METTL22: variants seen among roughly 807,000 people sequenced by gnomAD.
The protein encoded by METTL22 is methyltransferase-like protein 22.
In METTL22, 51 loss-of-function variants were observed where a neutral mutation model predicts 48.4. The observed-to-expected ratio is 1.05, with a 90% confidence interval of 0.84 to 1.33. The LOEUF (loss-of-function observed/expected upper bound fraction) is 1.33. METTL22 is among the 40% of genes most tolerant of loss of function. The probability of loss-of-function intolerance (pLI) is 0.00; values close to 1 mark genes in which losing one functional copy is unlikely to be tolerated. For missense variants in METTL22, 678 were observed against 526.9 expected, an observed-to-expected ratio of 1.29 and a Z score of -2.81; for synonymous variants, 255 against 214.1, an observed-to-expected ratio of 1.19 and a Z score of -1.67.
At chr16:8,650,753 T>A (rs940583005), downstream of METTL22, among the ~76,000 whole-genome samples, 1 of 152,168 alleles carries the variant, frequency 6.6e-6, no homozygotes, top group Non-Finnish European at 1.5e-5. Flanking sequence ...AAAAGCCAGA[T>A]GTGGCTCATG....
At chr16:8,637,110 T>G (rs554772910) in intron 5 of METTL22, among the ~76,000 whole-genome samples, 1 of 152,358 alleles carries the variant, frequency 6.6e-6, no homozygotes, top group South Asian at 2.1e-4. Context: ...TTTTAAATCT[T>G]TAGTATCTGC....
downstream of METTL22, among the ~76,000 whole-genome samples, chr16:8,651,436 T>TCATACTTG (rs957966498): frequency 1.3e-4 from 17 of 131,520 alleles, no homozygotes; most frequent in African/African-American, 4.1e-4. Flanking sequence ...ATGCCTAGAG[T>TCATACTTG]CATACTTGGC....
chr16:8,625,861 C>T (rs957637969), intron 2 of METTL22, 63 bp downstream of exon 2: 129 of 1,587,176 alleles, frequency 8.1e-5, no homozygotes, highest in Admixed American at 2.8e-4. Flanking sequence ...TCATACTCAT[C>T]TTTTTGGGGA....
intron 8 of METTL22, 66 bp from the exon 9 acceptor site, chr16:8,642,397 C>T (rs2056648509): frequency 6.6e-7 from 1 of 1,508,730 alleles, no homozygotes; most frequent in African/African-American, 1.4e-5. Context: ...GCGGATTGCT[C>T]TGAAAAGTCG....
At chr16:8,644,445 C>T (rs1051015478) in intron 9 of METTL22, 112 bp from the exon 10 acceptor site, 1 of 1,102,528 alleles carries the variant, frequency 9.1e-7, no homozygotes, top group Non-Finnish European at 1.3e-6. Context: ...TCAGTAAAAG[C>T]CCGTCCAGGG....
intron 6 of METTL22, chr16:8,639,645 C>G (rs1224323291): frequency 1.1e-5 from 2 of 188,622 alleles, no homozygotes; most frequent in African/African-American, 4.6e-5. Flanking sequence ...CTTTCCAGCC[C>G]TGCATCCAGC....
chr16:8,625,866 TG>T, intron 2 of METTL22, 68 bp downstream of exon 2: 1 of 1,585,084 alleles, frequency 6.3e-7, no homozygotes, highest in East Asian at 2.2e-5. Context: ...CTCATCTTTT[TG>T]GGGAAAATAT....
rs936351921 is a variant in METTL22 at position 8,642,960 on chromosome 16, A to G, written c.1010+395A>G. On this transcript the variant is annotated intron_variant, in intron 9 of 10. Coordinates refer to ENST00000381920, the MANE Select transcript of METTL22 (RefSeq NM_024109.4). ...TGCCGTCTGTCTCTTCAGCTCCCCC[A>G]GGTCTCTTTCTCTTGCTGAATCGGA... 5 of 214,414 alleles carry G rather than the reference A, an allele frequency of 2.3e-5. No homozygotes were observed. In the Admixed American group the frequency reaches 2.5e-4, roughly 11 times the overall value. The allele number at this position is 214,414 out of a possible 1,614,324, so 13.3% of individuals were successfully genotyped here. A position where few individuals can be genotyped will look rare whatever the true frequency, so the allele number is the denominator to read the frequency against.
the METTL22 span, among the ~76,000 whole-genome samples, chr16:8,661,343 C>A: frequency 1.3e-5 from 2 of 152,036 alleles, no homozygotes; most frequent in East Asian, 3.9e-4. Context: ...ATAAAACCCG[C>A]CTTTATTAAG....
At chr16:8,658,790 G>T in the METTL22 span, among the ~76,000 whole-genome samples, 3 of 152,132 alleles carry the variant, frequency 2.0e-5, no homozygotes, top group African/African-American at 7.2e-5. Context: ...ACTCTGGGAG[G>T]TCATTGCACA....
In METTL22 at chr16:8,629,028, A is replaced by C. The variant is rs1378534161; in HGVS notation, c.432A>C (p.Val144=). ...SNPAGPLRDK[V]HPMILAQEED... ...CAGCAGGGCCTCTGAGAGACAAGGTACATCCCATGATTCTAGCACAGGAAG... is the reference window on the plus strand; with the variant it reads ...CAGCAGGGCCTCTGAGAGACAAGGTCCATCCCATGATTCTAGCACAGGAAG... Residue 144 remains valine (V), a synonymous_variant, in exon 3 of 11, where the codon GTA becomes GTC. Transcript: ENST00000381920. 1 of 1,613,990 alleles carries C rather than the reference A, an allele frequency of 6.2e-7. No individual in the cohort carries two copies. The highest frequency in any genetic ancestry group is 8.5e-7 in the Non-Finnish European group (1 of 1,180,040).
At position 8,644,450 on chromosome 16, in the gene METTL22, C is replaced by G. The variant is rs187832358; in HGVS notation, c.1011-107C>G. 17 of 1,160,454 alleles carry G rather than the reference C, an allele frequency of 1.5e-5. No individual in the cohort carries two copies. The African/African-American group carries it at 2.2e-4, about 15-fold the overall frequency. 71.9% of individuals were successfully genotyped at this position (1,160,454 alleles called of 1,614,324 possible). A position where few individuals can be genotyped will look rare whatever the true frequency, so the allele number is the denominator to read the frequency against. ...AGACAGGCGCTCAGTAAAAGCCCGT[C>G]CAGGGGATATGAGATCAGTGAGGGA... On this transcript the variant is annotated intron_variant, in intron 9 of 10. Coordinates refer to ENST00000381920, the MANE Select transcript of METTL22 (RefSeq NM_024109.4).
At chr16:8,655,878 C>G in the METTL22 span, among the ~76,000 whole-genome samples, 1 of 152,184 alleles carries the variant, frequency 6.6e-6, no homozygotes, top group East Asian at 1.9e-4. Flanking sequence ...TTGGGGGATT[C>G]AGGAAGAGGA....
chr16:8,626,194 GC>G (rs1405704586), intron 2 of METTL22, among the ~76,000 whole-genome samples: 4 of 152,068 alleles, frequency 2.6e-5, no homozygotes. Context: ...AGTCTTGCTA[GC>G]CCAGGCTGGT....
At chr16:8,660,236 G>C in the METTL22 span, among the ~76,000 whole-genome samples, 1 of 152,144 alleles carries the variant, frequency 6.6e-6, no homozygotes, top group Admixed American at 6.5e-5. Context: ...GAGTGCAGTG[G>C]TGTGATCTCA....
chr16:8,665,167 A>G, the METTL22 span, among the ~76,000 whole-genome samples: 1 of 151,932 alleles, frequency 6.6e-6, no homozygotes, highest in Non-Finnish European at 1.5e-5. Context: ...ATAAACAGGC[A>G]TAGTGGTGCA....
chr16:8,638,873 T>C (rs2056504767), intron 5 of METTL22, among the ~76,000 whole-genome samples: 1 of 152,186 alleles, frequency 6.6e-6, no homozygotes, highest in African/African-American at 2.4e-5. Flanking sequence ...ATGCGCACTG[T>C]CTCTCCCCAT....
intron 9 of METTL22, 119 bp from the exon 10 acceptor site, chr16:8,644,438 G>A: frequency 9.6e-7 from 1 of 1,039,296 alleles, no homozygotes; most frequent in Non-Finnish European, 1.4e-6. Flanking sequence ...CAGGCGCTCA[G>A]TAAAAGCCCG....
chr16:8,658,877 C>T, the METTL22 span, among the ~76,000 whole-genome samples: 2 of 152,124 alleles, frequency 1.3e-5, no homozygotes, highest in Admixed American at 1.3e-4. Context: ...CCCATCTCAT[C>T]CACCATATTG....
Sources: allele counts gnomAD v4.1 joint callset (sites outside exome capture counted in the v4.1 genomes callset), GRCh38; gene constraint gnomAD v4.1.1; transcripts MANE v1.5; gene names NCBI Gene and HGNC (gene_info 2026-07-23, HGNC 2026-07-21).